Variants in SESN3 observed in about 807,000 individuals in gnomAD.
SESN3 encodes sestrin 3.
In SESN3, 21 loss-of-function variants were observed where a neutral mutation model predicts 55.3. That is an observed-to-expected ratio of 0.38 (90% CI 0.27 to 0.55). The LOEUF (loss-of-function observed/expected upper bound fraction) is 0.55. SESN3 is among the 20% of genes least tolerant of loss of function. The probability of loss-of-function intolerance (pLI) is 0.76; values close to 1 mark genes in which losing one functional copy is unlikely to be tolerated. For missense variants in SESN3, 408 were observed against 604.3 expected (o/e 0.68, Z 3.41); for synonymous variants, 181 against 203.1 (o/e 0.89, Z 0.93).
intron 2 of SESN3, 54 bp downstream of exon 2, chr11:95,193,403 C>A: frequency 9.7e-7 from 1 of 1,033,726 alleles, no homozygotes; most frequent in Non-Finnish European, 1.5e-6. Flanking sequence ...TTCTTTGATA[C>A]AGTTAAGTTA....
intron 7 of SESN3, among the ~76,000 whole-genome samples, chr11:95,178,137 G>C (rs1271950961): frequency 6.6e-6 from 1 of 152,086 alleles, no homozygotes; most frequent in Non-Finnish European, 1.5e-5. Context: ...GATGAACTCT[G>C]GTCATCTCCT....
chr11:95,216,731 T>C (rs886708554), intron 1 of SESN3, among the ~76,000 whole-genome samples: 1 of 151,848 alleles, frequency 6.6e-6, no homozygotes, highest in South Asian at 2.1e-4. Context: ...CACATAGATA[T>C]TAGCAATAAT....
Position 95,168,118 on chromosome 11 carries a change from C to T in SESN3, c.*5137G>A, listed in dbSNP as rs1037921274. On this transcript the variant is annotated 3_prime_UTR_variant, in exon 10 of 10. Coordinates refer to ENST00000536441, the MANE Select transcript of SESN3 (RefSeq NM_144665.4). ...GTGATCCCATAGGACCATCTAAATA[C>T]CCTTTGCCATATGTCATTCTATTAG... 5.3e-5 allele frequency: 8 copies of T among 152,134 alleles called. No homozygotes were observed. The highest frequency in any genetic ancestry group is 8.8e-5 in the Non-Finnish European group (6 of 68,016). 9.4% of individuals were successfully genotyped at this position (152,134 alleles called of 1,614,324 possible).
intron 1 of SESN3, among the ~76,000 whole-genome samples, chr11:95,214,757 TATCA>T (rs1860721188): frequency 6.6e-6 from 1 of 152,170 alleles, no homozygotes; most frequent in Non-Finnish European, 1.5e-5. Context: ...AAGCTTAAAA[TATCA>T]ATCTTCCTTG....
intron 4 of SESN3, among the ~76,000 whole-genome samples, chr11:95,186,497 A>G (rs1414597909): frequency 6.6e-6 from 1 of 151,952 alleles, no homozygotes; most frequent in Non-Finnish European, 1.5e-5. Context: ...AAGATCTGTT[A>G]AAGAACAAAA....
In SESN3 at chr11:95,165,832, A is replaced by G. The variant is rs1279122075; in HGVS notation, c.*7423T>C. 1 of 152,190 alleles carries G rather than the reference A, an allele frequency of 6.6e-6. No individual in the cohort carries two copies. The allele number at this position is 152,190 out of a possible 1,614,324, so 9.4% of individuals were successfully genotyped here. A position where few individuals can be genotyped will look rare whatever the true frequency, so the allele number is the denominator to read the frequency against. ...AAAAGAGTCATTAAAGCACTAGAAT[A>G]TTACACATAAACTGATCCATTTAGG... On this transcript the variant is annotated 3_prime_UTR_variant, in exon 10 of 10. Transcript: ENST00000536441.
At chr11:95,223,915 C>G (rs1221252831) in intron 1 of SESN3, among the ~76,000 whole-genome samples, 2 of 151,824 alleles carry the variant, frequency 1.3e-5, no homozygotes, top group South Asian at 4.2e-4. Flanking sequence ...GAAATTAAAC[C>G]CGAGAAAACT....
intron 6 of SESN3, among the ~76,000 whole-genome samples, chr11:95,180,092 T>C (rs1349642057): frequency 2.0e-5 from 3 of 152,146 alleles, no homozygotes; most frequent in Non-Finnish European, 1.5e-5. Flanking sequence ...AATGAACATA[T>C]ATTTCTCAAA....
intron 1 of SESN3, among the ~76,000 whole-genome samples, chr11:95,225,698 CA>C (rs1390846484): frequency 1.3e-5 from 2 of 152,122 alleles, no homozygotes; most frequent in African/African-American, 4.8e-5. Context: ...AAGGTCAATA[CA>C]CACTTAAGTT....
At chr11:95,201,975 T>C (rs1262224991) in intron 1 of SESN3, among the ~76,000 whole-genome samples, 5 of 151,962 alleles carry the variant, frequency 3.3e-5, no homozygotes, top group African/African-American at 1.2e-4. Context: ...TTTCTCTCTA[T>C]TGAAATGCTA....
At chr11:95,200,083 C>T (rs539547125) in intron 1 of SESN3, among the ~76,000 whole-genome samples, 6 of 152,102 alleles carry the variant, frequency 3.9e-5, no homozygotes, top group African/African-American at 1.4e-4. Flanking sequence ...ATGGTCTATA[C>T]AAATAGTAAA....
At chr11:95,186,431 G>C (rs1860168522) in intron 4 of SESN3, among the ~76,000 whole-genome samples, 1 of 151,834 alleles carries the variant, frequency 6.6e-6, no homozygotes, top group Admixed American at 6.6e-5. Context: ...AAAGCTCAGG[G>C]AAAAGAAAAG....
intron 1 of SESN3, among the ~76,000 whole-genome samples, chr11:95,225,269 AG>A (rs1860928155): frequency 6.6e-6 from 1 of 152,206 alleles, no homozygotes; most frequent in African/African-American, 2.4e-5. Flanking sequence ...GCCTTTTGAA[AG>A]GGTTTTGGAC....
chr11:95,200,205 A>G (rs1309549236), intron 1 of SESN3, among the ~76,000 whole-genome samples: 1 of 152,118 alleles, frequency 6.6e-6, no homozygotes, highest in Non-Finnish European at 1.5e-5. Context: ...ATGCTATGAA[A>G]TAATGCTGAT....
intron 1 of SESN3, chr11:95,224,347 T>G: frequency 2.8e-6 from 1 of 359,260 alleles, no homozygotes. Context: ...ATGATTCTGA[T>G]AAACATTTCC....
intron 8 of SESN3, among the ~76,000 whole-genome samples, chr11:95,176,249 G>T (rs559524590): frequency 6.6e-5 from 10 of 152,262 alleles, no homozygotes; most frequent in African/African-American, 2.4e-4. Context: ...CTGTGAATAG[G>T]TTCAAGAGAG....
chr11:95,194,268 TC>T (rs1410848302), intron 1 of SESN3, among the ~76,000 whole-genome samples: 1 of 152,048 alleles, frequency 6.6e-6, no homozygotes, highest in Non-Finnish European at 1.5e-5. Flanking sequence ...ACCCTCCCTT[TC>T]TCCCCCCATT....
rs1265855210 is a variant in SESN3, at chr11:95,230,045, G to A, written c.78+738C>T. On this transcript the variant is annotated intron_variant, in intron 1 of 9. Transcript: ENST00000536441. This position sits in a 1 kb window ranked among gnomAD's most constrained non-coding sequence, Gnocchi z 4.6. Reference sequence around the variant, plus strand: ...GTAAACTTTCTATCAGTCACTCTAGGAAGCAGCAATAAACTGATGGTGCGC... The same window carrying A: ...GTAAACTTTCTATCAGTCACTCTAGAAAGCAGCAATAAACTGATGGTGCGC... The A allele has an allele frequency of 6.6e-6, 1 of 152,038 alleles. No homozygotes were observed. The highest frequency in any genetic ancestry group is 1.9e-4 in the East Asian group (1 of 5,180). The allele number at this position is 152,038 out of a possible 1,614,324, so 9.4% of individuals were successfully genotyped here.
intron 3 of SESN3, among the ~76,000 whole-genome samples, chr11:95,191,056 A>G (rs1382180724): frequency 6.6e-6 from 1 of 152,088 alleles, no homozygotes; most frequent in African/African-American, 2.4e-5. Flanking sequence ...ATTACTAAGA[A>G]AAATGTCACA....
Sources: gnomAD v4.1 joint callset for allele counts (sites outside exome capture counted in the v4.1 genomes callset) on GRCh38, gnomAD v4.1.1 for gene constraint, Gnocchi (gnomAD v3.1) non-coding constraint, MANE v1.5 for transcripts, NCBI Gene and HGNC (gene_info 2026-07-23, HGNC 2026-07-21) for gene names.